The following CAPN2 variants were observed in gnomAD, a reference collection of about 807,000 sequenced individuals.
CAPN2 encodes the protein calpain 2, also known as calpain-2 catalytic subunit.
In CAPN2, 92 loss-of-function variants were observed where a neutral mutation model predicts 102.3. The ratio of observed to expected loss-of-function variants is 0.90; its 90% confidence interval spans 0.76 to 1.07. The LOEUF is 1.07. CAPN2 is among the 50% of genes least tolerant of loss of function. CAPN2 has a pLI of 0.00. For synonymous variants in CAPN2, 340 were observed against 355.4 expected (o/e 0.96, Z 0.49); for missense variants, 800 against 909.4 (o/e 0.88, Z 1.55).
chr1:223,713,124 T>C (rs371870732), intron 1 of CAPN2, among the ~76,000 whole-genome samples: 2 of 152,262 alleles, frequency 1.3e-5, no homozygotes, highest in African/African-American at 4.8e-5. Flanking sequence ...TCGAGGCGAA[T>C]CACTGCCCTC....
At chr1:223,743,560 T>C (rs1290453346) in intron 2 of CAPN2, among the ~76,000 whole-genome samples, 3 of 152,196 alleles carry the variant, frequency 2.0e-5, no homozygotes, top group Non-Finnish European at 4.4e-5. Context: ...GGTGCAATCA[T>C]GGCTCACTGC....
At position 223,729,360 on chromosome 1, in the gene CAPN2, A is replaced by C. The variant is rs1660274065; in HGVS notation, c.307+11529A>C. 2.0e-5 allele frequency among the ~76,000 whole-genome samples: 3 copies of C among 152,236 alleles called. No homozygotes were observed. In the South Asian group the frequency reaches 6.2e-4, roughly 31 times the overall value. On this transcript the variant is annotated intron_variant, in intron 2 of 20. Coordinates refer to ENST00000295006, the MANE Select transcript of CAPN2 (RefSeq NM_001748.5). The stretch of plus-strand genomic sequence containing the variant: ...ACTGTAGGCTACTGTAAGTGTTCTG[A>C]GCACAATTAAGGTAGGCTAGGCTAA...
At chr1:223,770,620 A>C (rs1661450553) in intron 18 of CAPN2, 95 bp downstream of exon 18, 2 of 829,340 alleles carry the variant, frequency 2.4e-6, no homozygotes, top group Admixed American at 2.4e-5. Context: ...GATTTGGTAA[A>C]GCTATAAAAT....
chr1:223,767,359 T>G (rs1187050360), intron 16 of CAPN2, among the ~76,000 whole-genome samples: 3 of 103,698 alleles, frequency 2.9e-5, no homozygotes, highest in Non-Finnish European at 5.3e-5. Flanking sequence ...CCCACAACAG[T>G]CCCCAGAGTG....
chr1:223,744,319 T>C, intron 3 of CAPN2, 101 bp downstream of exon 3: 1 of 780,066 alleles, frequency 1.3e-6, no homozygotes, highest in Non-Finnish European at 2.3e-6. Flanking sequence ...GTTTGCAGAC[T>C]CCCAAGACCA....
intron 1 of CAPN2, among the ~76,000 whole-genome samples, chr1:223,715,464 GA>G (rs1466028350): frequency 1.3e-5 from 2 of 152,226 alleles, no homozygotes; most frequent in Admixed American, 1.3e-4. Flanking sequence ...AGTGAAACAG[GA>G]TCCCTGAGGA....
rs569136678 is a variant in CAPN2, at chr1:223,759,333, C to T, written c.1381C>T (p.Arg461Cys). The change falls in exon 12 of 21, where the codon CGC becomes TGC. Residue 461 changes from arginine (R) to cysteine (C), a missense_variant. Transcript: ENST00000295006. The surrounding 1 kb of genome is among the most constrained non-coding windows in gnomAD (Gnocchi z 4.6). ...CTTCCTGACGAATCGCGCCAGGGAG[C>T]GCTCAGACACCTTCATCAACCTCCG... Reference protein sequence around the residue: ...NFFLTNRARERSDTFINLREV... With the variant: ...NFFLTNRARECSDTFINLREV... 1.2e-5 allele frequency: 19 copies of T among 1,614,094 alleles called. No homozygotes were observed. The highest frequency in any genetic ancestry group is 2.2e-5 in the East Asian group (1 of 44,892).
At chr1:223,743,426 C>T (rs982832046) in intron 2 of CAPN2, among the ~76,000 whole-genome samples, 3 of 152,152 alleles carry the variant, frequency 2.0e-5, no homozygotes, top group Admixed American at 1.3e-4. Context: ...AGGCGTGCAA[C>T]GTTTGTCCCC....
In CAPN2 at chr1:223,759,073, G is replaced by T; in HGVS notation, c.1318-197G>T. On this transcript the variant is annotated intron_variant, in intron 11 of 20. Transcript: ENST00000295006. The surrounding 1 kb of genome is among the most constrained non-coding windows in gnomAD (Gnocchi z 4.6). ...AAAAAAATTTTGTTGTTTTGTTGTT[G>T]TTGTCGTCGTTATATAGATGAGGGC... is the stretch of plus-strand genomic sequence containing the variant. 2 of 604,434 alleles carry T rather than the reference G, an allele frequency of 3.3e-6. No individual in the cohort carries two copies. Among genetic ancestry groups the T allele is most frequent in the Non-Finnish European group, 5.9e-6 (2 of 337,142 alleles). The allele number at this position is 604,434 out of a possible 1,614,324, so 37.4% of individuals were successfully genotyped here.
chr1:223,713,064 G>A (rs965323764), intron 1 of CAPN2, among the ~76,000 whole-genome samples, 187 bp downstream of exon 1: 4 of 152,198 alleles, frequency 2.6e-5, no homozygotes. Flanking sequence ...AGCGTGGGGG[G>A]ACTCCCGGGG....
Position 223,712,656 on chromosome 1 carries a change from G to C in CAPN2, c.16G>C (p.Ala6Pro). 1 of 1,534,508 alleles carries C rather than the reference G, an allele frequency of 6.5e-7. No individual in the cohort carries two copies. The highest frequency in any genetic ancestry group is 8.8e-7 in the Non-Finnish European group (1 of 1,141,440). Residue 6 changes from alanine to proline, a missense_variant, in exon 1 of 21, where the codon GCC becomes CCC. Transcript: ENST00000295006. MAGIA[A>P]KLAKDREAAE... ...GGACCGCAGCATGGCGGGCATCGCG[G>C]CCAAGCTGGCGAAGGACCGGGAGGC...
rs1032231312 is a variant in CAPN2 at position 223,727,383 on chromosome 1, A to G, written c.307+9552A>G. Among the ~76,000 whole-genome samples, 5 of 152,184 alleles carry G rather than the reference A, an allele frequency of 3.3e-5. No homozygotes were observed. Among genetic ancestry groups the G allele is most frequent in the Non-Finnish European group, 7.3e-5 (5 of 68,044 alleles). On this transcript the variant is annotated intron_variant, in intron 2 of 20. Coordinates refer to ENST00000295006, the MANE Select transcript of CAPN2 (RefSeq NM_001748.5). The surrounding 1 kb of genome is among the most constrained non-coding windows in gnomAD (Gnocchi z 4.1). Reference sequence around the variant, plus strand: ...TTAGCTGCATCCTTGGCCTCTACCCACACACCCCCGTGTGCCACTCAAAAA... The same window carrying G: ...TTAGCTGCATCCTTGGCCTCTACCCGCACACCCCCGTGTGCCACTCAAAAA...
intron 2 of CAPN2, among the ~76,000 whole-genome samples, chr1:223,722,996 G>T (rs1660095948): frequency 6.6e-6 from 1 of 152,184 alleles, no homozygotes; most frequent in South Asian, 2.1e-4. Context: ...ATTGATCAGA[G>T]ATTTTGTAAG....
At position 223,720,315 on chromosome 1, in the gene CAPN2, C is replaced by CTTTTTTTT. The variant is rs35138708; in HGVS notation, c.307+2496_307+2503dup. On this transcript the variant is annotated intron_variant, in intron 2 of 20. Transcript: ENST00000295006. ...TCATCCTTATTTTCTCTCTTTCTCT[C>CTTTTTTTT]TTTTTTTTTTTTTTTTTTTGACAGG... is the stretch of plus-strand genomic sequence containing the variant. Among the ~76,000 whole-genome samples the CTTTTTTTT allele has an allele frequency of 3.3e-3, 353 of 107,440 alleles. 18 individuals carry two copies. The highest frequency in any genetic ancestry group is 9.7e-3 in the African/African-American group (256 of 26,500). 70.5% of individuals were successfully genotyped at this position (107,440 alleles called of 152,430 possible).
rs146144248 is a variant in CAPN2 at position 223,737,721 on chromosome 1, G to GT, written c.308-6379_308-6378insT. Reference sequence around the variant, plus strand: ...AAGAGACGGGGCGGGGGGTGGGGGGGAGAGAATACAATAACACCATGTACT... The same window carrying GT: ...AAGAGACGGGGCGGGGGGTGGGGGGGTAGAGAATACAATAACACCATGTACT... On this transcript the variant is annotated intron_variant, in intron 2 of 20. Transcript: ENST00000295006. 5.7e-5 allele frequency among the ~76,000 whole-genome samples: 4 copies of GT among 70,192 alleles called. 1 individual carries two copies. The highest frequency in any genetic ancestry group is 1.1e-4 in the African/African-American group (2 of 18,836). 46.0% of individuals were successfully genotyped at this position (70,192 alleles called of 152,430 possible). A position where few individuals can be genotyped will look rare whatever the true frequency, so the allele number is the denominator to read the frequency against.
chr1:223,769,782 C>T (rs1661424158), intron 16 of CAPN2, 59 bp from the exon 17 acceptor site: 4 of 1,282,454 alleles, frequency 3.1e-6, no homozygotes, highest in African/African-American at 1.5e-5. Flanking sequence ...AGAAGACAAA[C>T]TAGGTGACAC....
chr1:223,770,071 C>A, intron 17 of CAPN2, 162 bp downstream of exon 17: 2 of 677,950 alleles, frequency 3.0e-6, no homozygotes, highest in Non-Finnish European at 5.1e-6. Flanking sequence ...TGAGGAAATG[C>A]AAACAAAAAA....
At chr1:223,735,121 G>T (rs146846794) in intron 2 of CAPN2, among the ~76,000 whole-genome samples, 2 of 152,122 alleles carry the variant, frequency 1.3e-5, no homozygotes, top group Non-Finnish European at 2.9e-5. Context: ...ACAACCTGCC[G>T]AGGATACACC....
At chr1:223,719,554 G>A (rs958158655) in intron 2 of CAPN2, among the ~76,000 whole-genome samples, 2 of 152,028 alleles carry the variant, frequency 1.3e-5, no homozygotes, top group African/African-American at 4.8e-5. Flanking sequence ...AAAAGAGAGA[G>A]AATCCAGAAA....
Sources: gnomAD v4.1 joint callset for allele counts (sites outside exome capture counted in the v4.1 genomes callset) on GRCh38, gnomAD v4.1.1 for gene constraint, Gnocchi (gnomAD v3.1) non-coding constraint, MANE v1.5 for transcripts, NCBI Gene and HGNC (gene_info 2026-07-23, HGNC 2026-07-21) for gene names.